SIPA1L1: variants seen among roughly 807,000 people sequenced by gnomAD.
The protein encoded by SIPA1L1 is signal induced proliferation associated 1 like 1.
Under a neutral mutation model 162.7 loss-of-function variants are expected in SIPA1L1, and 26 were observed. The ratio of observed to expected loss-of-function variants is 0.16; its 90% confidence interval spans 0.12 to 0.22. SIPA1L1 has a LOEUF of 0.22. Among genes scored for constraint, SIPA1L1 ranks in the 10% least tolerant of loss-of-function variants. The pLI is 1.00. For synonymous variants in SIPA1L1, 829 were observed against 837.4 expected (o/e 0.99, Z 0.17); for missense variants, 1,874 against 2,241.0 (o/e 0.84, Z 3.31).
chr14:71,740,375 T>C lies in SIPA1L1; in HGVS notation c.*1214T>C, dbSNP rs1258201327. 1 of 152,250 alleles carries C rather than the reference T, an allele frequency of 6.6e-6. No individual in the cohort carries two copies. The highest frequency in any genetic ancestry group is 1.5e-5 in the Non-Finnish European group (1 of 68,054). The allele number at this position is 152,250 out of a possible 1,614,324, so 9.4% of individuals were successfully genotyped here. On this transcript the variant is annotated 3_prime_UTR_variant, in exon 24 of 24. Coordinates refer to ENST00000381232, the MANE Select transcript of SIPA1L1 (RefSeq NM_001386936.1). ...TTTGCTGTCTTGTGATGCAGGCTGC[T>C]TTGGGCCCCTGGGTCACTCTTCCAA...
intron 4 of SIPA1L1, among the ~76,000 whole-genome samples, chr14:71,572,881 A>G (rs1567225716): frequency 6.6e-6 from 1 of 152,256 alleles, no homozygotes; most frequent in Non-Finnish European, 1.5e-5. Flanking sequence ...ATATATAGCT[A>G]TGTGATATAA....
chr14:71,725,583 G>A (rs998576711), intron 19 of SIPA1L1, among the ~76,000 whole-genome samples: 1 of 152,168 alleles, frequency 6.6e-6, no homozygotes, highest in Non-Finnish European at 1.5e-5. Flanking sequence ...GGAAAGGTTT[G>A]TGTACTCGTC....
At position 71,739,051 on chromosome 14, in the gene SIPA1L1, G is replaced by T; in HGVS notation, c.5242G>T (p.Val1748Leu). 6.2e-7 allele frequency: 1 copy of T among 1,614,098 alleles called. No homozygotes were observed. Among genetic ancestry groups the T allele is most frequent in the Non-Finnish European group, 8.5e-7 (1 of 1,179,976 alleles). Residue 1748 changes from valine to leucine, a missense_variant, in exon 24 of 24, where the codon GTG becomes TTG. By Grantham distance (32) the Val-to-Leu change is conservative. Transcript: ENST00000381232. ...KEDKAHLQAE[V>L]QHLREDNLRL... ...AGACAAAGCTCACCTTCAGGCGGAG[G>T]TGCAGCACCTGCGAGAGGACAACCT...
chr14:71,709,144 A>G (rs2082686488), intron 16 of SIPA1L1, 78 bp from the exon 17 acceptor site: 2 of 1,232,010 alleles, frequency 1.6e-6, no homozygotes, highest in African/African-American at 1.5e-5. Flanking sequence ...ACTAGAAATT[A>G]ATCACAGTGT....
chr14:71,323,043 A>G (rs1287148965), intron 2 of SIPA1L1, among the ~76,000 whole-genome samples: 3 of 152,206 alleles, frequency 2.0e-5, no homozygotes, highest in East Asian at 3.8e-4. Flanking sequence ...AGATTCATTT[A>G]ACTCTTCTTT....
chr14:71,367,511 T>A (rs974553893), intron 2 of SIPA1L1, among the ~76,000 whole-genome samples: 26 of 151,670 alleles, frequency 1.7e-4, no homozygotes, highest in Non-Finnish European at 2.9e-5. Context: ...GGTTTCACCG[T>A]GTTAGCCAGG....
chr14:71,382,872 T>G (rs774689031), intron 2 of SIPA1L1, among the ~76,000 whole-genome samples: 18 of 152,282 alleles, frequency 1.2e-4, no homozygotes, highest in Non-Finnish European at 2.4e-4. Context: ...AAATCAGAAG[T>G]GACCATAATC....
chr14:71,539,613 T>C (rs940338178), intron 4 of SIPA1L1, among the ~76,000 whole-genome samples: 1 of 152,242 alleles, frequency 6.6e-6, no homozygotes, highest in African/African-American at 2.4e-5. Context: ...ATCTAACTTC[T>C]TATTCAGAGA....
At chr14:71,502,333 G>C (rs1323632589) in intron 2 of SIPA1L1, among the ~76,000 whole-genome samples, 1 of 148,692 alleles carries the variant, frequency 6.7e-6, no homozygotes, top group Non-Finnish European at 1.5e-5. Flanking sequence ...CCGCCTCCAG[G>C]GTTTAAGTGA....
intron 2 of SIPA1L1, among the ~76,000 whole-genome samples, chr14:71,375,319 T>G (rs2039276182): frequency 6.6e-6 from 1 of 152,194 alleles, no homozygotes; most frequent in Non-Finnish European, 1.5e-5. Context: ...GGGAAAGAGA[T>G]ATATAAGTAT....
At chr14:71,674,294 A>T (rs1330942825) in intron 12 of SIPA1L1, among the ~76,000 whole-genome samples, 2 of 152,088 alleles carry the variant, frequency 1.3e-5, no homozygotes, top group East Asian at 3.9e-4. Flanking sequence ...TGTGGGTGGG[A>T]TGAGACAACA....
intron 2 of SIPA1L1, among the ~76,000 whole-genome samples, chr14:71,488,454 G>C (rs2048953597): frequency 6.6e-6 from 1 of 152,150 alleles, no homozygotes; most frequent in Admixed American, 6.5e-5. Flanking sequence ...AGTACAGTAT[G>C]CTAGTGCCAA....
chr14:71,358,884 G>C lies in SIPA1L1; in HGVS notation c.-465+37703G>C, dbSNP rs528933465. Among the ~76,000 whole-genome samples the C allele has an allele frequency of 1.9e-3, 285 of 152,230 alleles. 5 individuals carry two copies. Among genetic ancestry groups the C allele is most frequent in the Non-Finnish European group, 1.3e-3 (89 of 68,000 alleles). On this transcript the variant is annotated intron_variant, in intron 2 of 23. Transcript: ENST00000381232. Reference sequence around the variant, plus strand: ...ATAACCAGATCTCGTGAGAACTTGAGAACAGCACCAAAGGGATGGTGCTAA... The same window carrying C: ...ATAACCAGATCTCGTGAGAACTTGACAACAGCACCAAAGGGATGGTGCTAA...
At chr14:71,393,930 A>G (rs966529260) in intron 2 of SIPA1L1, among the ~76,000 whole-genome samples, 1 of 152,242 alleles carries the variant, frequency 6.6e-6, no homozygotes, top group African/African-American at 2.4e-5. Flanking sequence ...AATTTTTTGA[A>G]TATTGATGTC....
intron 5 of SIPA1L1, among the ~76,000 whole-genome samples, chr14:71,610,086 A>G (rs2038030666): frequency 6.6e-6 from 1 of 152,162 alleles, no homozygotes; most frequent in African/African-American, 2.4e-5. Context: ...AGTGTAGTTA[A>G]TATTCTGATA....
Position 71,405,359 on chromosome 14 carries a change from A to G in SIPA1L1, c.-465+84178A>G, listed in dbSNP as rs562031406. 4.6e-5 allele frequency among the ~76,000 whole-genome samples: 7 copies of G among 152,334 alleles called. No individual in the cohort carries two copies. The East Asian group carries it at 1.2e-3, about 25-fold the overall frequency. On this transcript the variant is annotated intron_variant, in intron 2 of 23. Coordinates refer to ENST00000381232, the MANE Select transcript of SIPA1L1 (RefSeq NM_001386936.1). ...GCTAAAGTGAGTATGCTGGGGAGAC[A>G]GAGGTTCCAGATGAAATTGAAGAGA...
chr14:71,635,766 T>C (rs1022000425), intron 7 of SIPA1L1, among the ~76,000 whole-genome samples: 5 of 152,146 alleles, frequency 3.3e-5, no homozygotes, highest in African/African-American at 1.2e-4. Context: ...GATCTAAATA[T>C]ACCAATTAAA....
At chr14:71,543,746 T>C (rs1224000866) in intron 4 of SIPA1L1, among the ~76,000 whole-genome samples, 1 of 151,198 alleles carries the variant, frequency 6.6e-6, no homozygotes, top group Non-Finnish European at 1.5e-5. Context: ...TGACTGTTTT[T>C]CTAAATTATC....
intron 2 of SIPA1L1, among the ~76,000 whole-genome samples, chr14:71,485,986 A>G (rs1335156341): frequency 3.3e-5 from 5 of 152,086 alleles, no homozygotes; most frequent in Admixed American, 2.0e-4. Context: ...CACTCTCCCT[A>G]ATTCAGCACC....
Sources: gnomAD v4.1 joint callset for allele counts (sites outside exome capture counted in the v4.1 genomes callset) on GRCh38, gnomAD v4.1.1 for gene constraint, MANE v1.5 for transcripts, NCBI Gene and HGNC (gene_info 2026-07-23, HGNC 2026-07-21) for gene names.